CEP250: variants seen among roughly 807,000 people sequenced by gnomAD.
CEP250 encodes centrosome-associated protein CEP250.
CEP250 carries 242 observed loss-of-function variants against 315.7 expected under a neutral mutation model. The observed-to-expected ratio is 0.77, with a 90% CI of 0.69 to 0.85. CEP250 has a LOEUF of 0.85. Among genes scored for constraint, CEP250 ranks in the 40% least tolerant of loss-of-function variants. CEP250 has a pLI of 0.00. For missense variants in CEP250, 2,515 were observed against 2,886.4 expected (o/e 0.87, Z 2.95); for synonymous variants, 1,088 against 1,175.0 (o/e 0.93, Z 1.51).
intron 20 of CEP250, among the ~76,000 whole-genome samples, chr20:35,489,666 C>T (rs1177151142): frequency 2.6e-5 from 4 of 152,212 alleles, no homozygotes; most frequent in African/African-American, 9.6e-5. Context: ...AGTCAGAGAG[C>T]TTGGGAAAGC....
intron 32 of CEP250, 53 bp from the exon 33 acceptor site, chr20:35,508,890 G>C (rs1483002177): frequency 3.4e-6 from 5 of 1,458,174 alleles, no homozygotes. Context: ...AGGCAGCTCT[G>C]CTCCAACCAC....
chr20:35,499,933 A>G, intron 27 of CEP250, 116 bp from the exon 28 acceptor site: 1 of 1,298,166 alleles, frequency 7.7e-7, no homozygotes, highest in South Asian at 1.3e-5. Context: ...GCAATCTGGG[A>G]GTAGGTCCAC....
rs750186084 is a variant in CEP250 at position 35,491,195 on chromosome 20, C to T, written c.2755-17C>T. On this transcript the variant is annotated splice_polypyrimidine_tract_variant and intron_variant, in intron 21 of 34. Transcript: ENST00000397527. ...AATCCTGAGCCCACAAGCTGTTACC[C>T]CCCTACCCCTCCACAGATGCAGCTG... 6 of 1,610,078 alleles carry T rather than the reference C, an allele frequency of 3.7e-6. No individual in the cohort carries two copies. In the South Asian group the frequency reaches 4.4e-5, roughly 12 times the overall value.
At position 35,508,173 on chromosome 20, in the gene CEP250, C is replaced by T. The variant is rs777058678; in HGVS notation, c.6889C>T (p.Arg2297Trp). The T allele has an allele frequency of 8.1e-6, 13 of 1,613,856 alleles. No homozygotes were observed. Among genetic ancestry groups the T allele is most frequent in the East Asian group, 2.2e-5 (1 of 44,884 alleles). The change falls in exon 32 of 35, where the codon CGG (arginine) becomes TGG (tryptophan). Residue 2297 changes from arginine (R) to tryptophan (W), a missense_variant. Arg to Trp is a moderately radical substitution (Grantham distance 101, BLOSUM62 -3). Coordinates refer to ENST00000397527, the MANE Select transcript of CEP250 (RefSeq NM_007186.6). Reference protein sequence around the residue: ...SRLQRHNVQLRSTLEQVERER... With the variant: ...SRLQRHNVQLWSTLEQVERER... The stretch of plus-strand genomic sequence containing the variant: ...GCTGCAGCGCCACAATGTCCAGCTG[C>T]GGAGTACCTTGGAGCAGGTGACCCC...
At chr20:35,463,956 T>C (rs541537166) in intron 5 of CEP250, among the ~76,000 whole-genome samples, 1 of 152,358 alleles carries the variant, frequency 6.6e-6, no homozygotes, top group East Asian at 1.9e-4. Flanking sequence ...ACAGCATGTC[T>C]GCAGCAAAGG....
At chr20:35,456,601 C>A (rs965123118) in intron 1 of CEP250, among the ~76,000 whole-genome samples, 1 of 152,180 alleles carries the variant, frequency 6.6e-6, no homozygotes, top group Non-Finnish European at 1.5e-5. Flanking sequence ...ACATAGGTGT[C>A]ATTATCGCTC....
rs1354158354 is a variant in CEP250 at position 35,517,038 on chromosome 20, G to C, written c.*5412G>C. The C allele has an allele frequency of 1.0e-6, 1 of 985,362 alleles. No individual in the cohort carries two copies. The highest frequency in any genetic ancestry group is 6.2e-5 in the Admixed American group (1 of 16,258). 61.0% of individuals were successfully genotyped at this position (985,362 alleles called of 1,614,324 possible). A position where few individuals can be genotyped will look rare whatever the true frequency, so the allele number is the denominator to read the frequency against. Reference sequence around the variant, plus strand: ...CAGACACCGGGCACTGAGAAAAGTGGGAAGCCATGGTCACAGACTCTACAT... The same window carrying C: ...CAGACACCGGGCACTGAGAAAAGTGCGAAGCCATGGTCACAGACTCTACAT... On this transcript the variant is annotated 3_prime_UTR_variant, in exon 35 of 35. Transcript: ENST00000397527.
intron 7 of CEP250, 85 bp downstream of exon 7, chr20:35,466,289 C>T: frequency 7.0e-7 from 1 of 1,434,630 alleles, no homozygotes; most frequent in Middle Eastern, 2.4e-4. Context: ...GAGTTAACTT[C>T]AGGACTTGGA....
chr20:35,501,554 G>C (rs572160385), intron 28 of CEP250, among the ~76,000 whole-genome samples: 20 of 152,264 alleles, frequency 1.3e-4, no homozygotes, highest in Non-Finnish European at 2.6e-4. Flanking sequence ...ACCCTGTCTG[G>C]AATTGAGGGC....
At chr20:35,510,167 G>C (rs1335000587) in intron 34 of CEP250, 113 bp downstream of exon 34, 2 of 979,874 alleles carry the variant, frequency 2.0e-6, no homozygotes, top group African/African-American at 1.6e-5. Context: ...GTCTCCATGG[G>C]AGGCAAAAAT....
chr20:35,472,273 GA>G, intron 11 of CEP250, 122 bp downstream of exon 11: 1 of 674,456 alleles, frequency 1.5e-6, no homozygotes. Context: ...GTCTTGTGGG[GA>G]TGAGTTTTGT....
chr20:35,489,187 CAA>C (rs56824051), intron 20 of CEP250, among the ~76,000 whole-genome samples: 7 of 124,764 alleles, frequency 5.6e-5, no homozygotes, highest in Admixed American at 8.1e-5. Context: ...GACTCTGTCT[CAA>C]AAAAAAAAAA....
At chr20:35,502,102 C>T in intron 29 of CEP250, 136 bp downstream of exon 29, 1 of 1,067,496 alleles carries the variant, frequency 9.4e-7, no homozygotes, top group Non-Finnish European at 1.3e-6. Flanking sequence ...CCCTGGGGGC[C>T]ATTATTCAGG....
At position 35,500,144 on chromosome 20, in the gene CEP250, G is replaced by A; in HGVS notation, c.3873G>A (p.Gln1291=). The A allele has an allele frequency of 1.2e-6, 2 of 1,613,938 alleles. No homozygotes were observed. Among genetic ancestry groups the A allele is most frequent in the Non-Finnish European group, 1.7e-6 (2 of 1,180,008 alleles). ...SQVHTELQDL[Q]RQLSQNQEEK... Reference sequence around the variant, plus strand: ...TCCACACAGAGTTGCAGGATCTGCAGAGACAGCTCTCCCAGAATCAGGAAG... The same window carrying A: ...TCCACACAGAGTTGCAGGATCTGCAAAGACAGCTCTCCCAGAATCAGGAAG... The change falls in exon 28 of 35, where the codon CAG becomes CAA. Residue 1291 remains glutamine (Q), a synonymous_variant. Coordinates refer to ENST00000397527, the MANE Select transcript of CEP250 (RefSeq NM_007186.6).
intron 5 of CEP250, 95 bp from the exon 6 acceptor site, chr20:35,465,645 TAAA>T: frequency 1.2e-6 from 1 of 807,920 alleles, no homozygotes; most frequent in Non-Finnish European, 1.9e-6. Context: ...GGAGAAAGAA[TAAA>T]AAGAAAGTGG....
At chr20:35,459,820 G>A (rs900128841) in intron 2 of CEP250, among the ~76,000 whole-genome samples, 163 bp from the exon 3 acceptor site, 2 of 151,958 alleles carry the variant, frequency 1.3e-5, no homozygotes, top group Non-Finnish European at 1.5e-5. Flanking sequence ...ATTTCATATG[G>A]TTCAACCTAA....
intron 9 of CEP250, 76 bp downstream of exon 9, chr20:35,467,631 G>C (rs1258314117): frequency 8.0e-6 from 12 of 1,509,026 alleles, no homozygotes; most frequent in Non-Finnish European, 9.9e-6. Flanking sequence ...GACAGGCAGG[G>C]GGAGGTGCCA....
rs376106638 is a variant in CEP250, at chr20:35,479,391, G to A, written c.2255G>A (p.Arg752Gln). 21 of 1,613,970 alleles carry A rather than the reference G, an allele frequency of 1.3e-5. No homozygotes were observed. Among genetic ancestry groups the A allele is most frequent in the African/African-American group, 5.3e-5 (4 of 74,916 alleles). Residue 752 changes from arginine (R) to glutamine (Q), a missense_variant, in exon 18 of 35, where the codon CGG becomes CAG. Coordinates refer to ENST00000397527, the MANE Select transcript of CEP250 (RefSeq NM_007186.6). ...EVRLQAVERDRQDLAEQLQGL... is the reference protein window; with the variant it reads ...EVRLQAVERDQQDLAEQLQGL... The stretch of plus-strand genomic sequence containing the variant: ...CGGCTGCAGGCCGTGGAGCGTGACC[G>A]GCAGGACCTCGCTGAACAACTACAG...
chr20:35,509,129 C>A, intron 33 of CEP250, 85 bp downstream of exon 33: 3 of 1,087,236 alleles, frequency 2.8e-6, no homozygotes, highest in Non-Finnish European at 1.4e-6. Flanking sequence ...ATATCCCGGG[C>A]CAACAGCACT....
Sources: allele counts gnomAD v4.1 joint callset (sites outside exome capture counted in the v4.1 genomes callset), GRCh38; gene constraint gnomAD v4.1.1; transcripts MANE v1.5; gene names NCBI Gene and HGNC (gene_info 2026-07-23, HGNC 2026-07-21).